The following TATDN1 variants were observed in gnomAD, a reference collection of about 807,000 sequenced individuals.
TATDN1 encodes the protein deoxyribonuclease TATDN1.
TATDN1 carries 40 observed loss-of-function variants against 46.4 expected under a neutral mutation model. The ratio of observed to expected loss-of-function variants is 0.86; its 90% CI spans 0.67 to 1.12. TATDN1 has a LOEUF of 1.12. Among genes scored for constraint, TATDN1 ranks in the 50% most tolerant of loss-of-function variants. TATDN1 has a pLI of 0.00. For missense variants in TATDN1, 326 were observed against 348.4 expected (o/e 0.94, Z 0.51); for synonymous variants, 95 against 105.6 (o/e 0.90, Z 0.62).
chr8:124,490,755 T>G (rs1816916365), intron 11 of TATDN1, among the ~76,000 whole-genome samples: 1 of 53,464 alleles, frequency 1.9e-5, no homozygotes, highest in South Asian at 3.9e-4. Flanking sequence ...CAGGTTTTTG[T>G]TTTTTTTTTT....
At chr8:124,513,410 G>A (rs1819199840) in intron 6 of TATDN1, among the ~76,000 whole-genome samples, 1 of 152,130 alleles carries the variant, frequency 6.6e-6, no homozygotes, top group South Asian at 2.1e-4. Context: ...ACTTTAGTAA[G>A]CACTTCCAAC....
intron 10 of TATDN1, chr8:124,495,230 T>C (rs931248605): frequency 4.0e-6 from 2 of 498,734 alleles, no homozygotes; most frequent in African/African-American, 4.0e-5. Flanking sequence ...TCCTGAGTTA[T>C]ATTCTGGCAT....
chr8:124,524,110 T>A (rs539616138), intron 1 of TATDN1, among the ~76,000 whole-genome samples: 82 of 152,346 alleles, frequency 5.4e-4, no homozygotes, highest in Non-Finnish European at 8.4e-4. Flanking sequence ...CTTCTTGGTA[T>A]GTTCTCATTC....
At chr8:124,510,042 AAAAAATT>A (rs1349295899) in intron 6 of TATDN1, among the ~76,000 whole-genome samples, 1 of 151,888 alleles carries the variant, frequency 6.6e-6, no homozygotes, top group Non-Finnish European at 1.5e-5. Context: ...AAAAAAAAAA[AAAAAATT>A]AAAAATTAAA....
intron 9 of TATDN1, among the ~76,000 whole-genome samples, chr8:124,500,516 G>A (rs372369820): frequency 1.1e-3 from 167 of 152,142 alleles, no homozygotes; most frequent in African/African-American, 3.9e-3. Context: ...AGACCAGCCT[G>A]GGCAACATGG....
Position 124,529,330 on chromosome 8 carries a change from A to G in TATDN1, c.23-6328T>C, listed in dbSNP as rs570618890. On this transcript the variant is annotated intron_variant, in intron 1 of 11. Transcript: ENST00000276692. The stretch of plus-strand genomic sequence containing the variant: ...TATCCTTATTGACATAAATCCCAAC[A>G]CTCGGAATTAATATTCCCAGGATGC... Among the ~76,000 whole-genome samples, 8 of 152,094 alleles carry G rather than the reference A, an allele frequency of 5.3e-5. No homozygotes were observed. In the South Asian group the frequency reaches 1.2e-3, roughly 24 times the overall value.
chr8:124,517,129 C>T (rs1049902346), intron 4 of TATDN1, among the ~76,000 whole-genome samples: 1 of 152,142 alleles, frequency 6.6e-6, no homozygotes, highest in African/African-American at 2.4e-5. Context: ...TCTTTAATCA[C>T]TAACAAAAAG....
chr8:124,494,008 T>A (rs748962098), intron 10 of TATDN1, 49 bp from the exon 11 acceptor site: 12 of 1,529,796 alleles, frequency 7.8e-6, no homozygotes, highest in Non-Finnish European at 8.7e-6. Flanking sequence ...TTTTTAAAAA[T>A]TTTTTATGAC....
chr8:124,512,115 T>C (rs1400185190), intron 6 of TATDN1, among the ~76,000 whole-genome samples: 2 of 152,136 alleles, frequency 1.3e-5, no homozygotes, highest in East Asian at 3.8e-4. Flanking sequence ...TTTTCCTGAC[T>C]ACATATTTAC....
chr8:124,504,125 AAAT>A, intron 9 of TATDN1, 143 bp downstream of exon 9: 2 of 711,866 alleles, frequency 2.8e-6, no homozygotes, highest in Non-Finnish European at 4.5e-6. Context: ...ATTTCTTAAT[AAAT>A]AATTACTGAA....
chr8:124,512,978 G>A (rs965687642), intron 6 of TATDN1, among the ~76,000 whole-genome samples: 2 of 151,702 alleles, frequency 1.3e-5, no homozygotes, highest in African/African-American at 4.8e-5. Context: ...CCAATGTCAC[G>A]ATCTTGGCTC....
At chr8:124,533,918 A>G (rs1377299992) in intron 1 of TATDN1, among the ~76,000 whole-genome samples, 1 of 152,052 alleles carries the variant, frequency 6.6e-6, no homozygotes, top group Non-Finnish European at 1.5e-5. Flanking sequence ...AGGCTGAGGC[A>G]GGAGGATCAC....
chr8:124,513,849 G>A (rs1347536591), intron 6 of TATDN1, among the ~76,000 whole-genome samples: 3 of 152,166 alleles, frequency 2.0e-5, no homozygotes, highest in Non-Finnish European at 2.9e-5. Context: ...TGAGGAATAT[G>A]ATATCTGGGC....
At chr8:124,490,655 G>A (rs1355352746) in intron 11 of TATDN1, among the ~76,000 whole-genome samples, 1 of 152,138 alleles carries the variant, frequency 6.6e-6, no homozygotes, top group Non-Finnish European at 1.5e-5. Context: ...AGTGGTCAAA[G>A]CTGCAGTTAT....
chr8:124,517,662 C>T (rs1819603812), intron 4 of TATDN1, among the ~76,000 whole-genome samples: 1 of 152,058 alleles, frequency 6.6e-6, no homozygotes, highest in South Asian at 2.1e-4. Flanking sequence ...GAGGTTTTAC[C>T]TAACTAGGAT....
At chr8:124,511,172 T>C (rs1285470038) in intron 6 of TATDN1, among the ~76,000 whole-genome samples, 2 of 152,230 alleles carry the variant, frequency 1.3e-5, no homozygotes, top group Non-Finnish European at 2.9e-5. Flanking sequence ...TATTTGCTCA[T>C]CTTAGTGAAG....
At chr8:124,528,258 C>G (rs991113366) in intron 1 of TATDN1, among the ~76,000 whole-genome samples, 2 of 152,102 alleles carry the variant, frequency 1.3e-5, no homozygotes, top group South Asian at 2.1e-4. Context: ...ACTGCAAGCT[C>G]CACCTCCCAG....
Position 124,518,941 on chromosome 8 carries a change from A to G in TATDN1, c.139-60T>C, listed in dbSNP as rs924574315. On this transcript the variant is annotated intron_variant, in intron 3 of 11. Coordinates refer to ENST00000276692, the MANE Select transcript of TATDN1 (RefSeq NM_032026.4). ...AATAGGGCAGCAATAACAGTTTCCTAAACATGCCTTCCTACCACTTCCTTA... is the reference window on the plus strand; with the variant it reads ...AATAGGGCAGCAATAACAGTTTCCTGAACATGCCTTCCTACCACTTCCTTA... The G allele has an allele frequency of 3.6e-6, 4 of 1,100,270 alleles. No homozygotes were observed. In the South Asian group the frequency reaches 3.9e-5, roughly 11 times the overall value. The allele number at this position is 1,100,270 out of a possible 1,614,324, so 68.2% of individuals were successfully genotyped here.
At chr8:124,533,258 A>AG (rs1326332989) in intron 1 of TATDN1, among the ~76,000 whole-genome samples, 1 of 151,964 alleles carries the variant, frequency 6.6e-6, no homozygotes, top group Admixed American at 6.5e-5. Context: ...TCTCAAAAAA[A>AG]AAAAACGCAA....
Sources: allele counts gnomAD v4.1 joint callset (sites outside exome capture counted in the v4.1 genomes callset), GRCh38; gene constraint gnomAD v4.1.1; transcripts MANE v1.5; gene names NCBI Gene and HGNC (gene_info 2026-07-23, HGNC 2026-07-21).